HS6ST3: variants seen among roughly 807,000 people sequenced by gnomAD.
HS6ST3 encodes heparan-sulfate 6-O-sulfotransferase 3.
Under a neutral mutation model 36.7 loss-of-function variants are expected in HS6ST3, and 12 were observed. That is an observed-to-expected ratio of 0.33 (90% CI 0.21 to 0.53). The LOEUF is 0.53. HS6ST3 is among the 20% of genes least tolerant of loss of function. HS6ST3 has a pLI of 0.95. For missense variants in HS6ST3, 584 were observed against 640.9 expected (o/e 0.91, Z 0.96); for synonymous variants, 240 against 257.5 (o/e 0.93, Z 0.65).
intron 1 of HS6ST3, among the ~76,000 whole-genome samples, chr13:96,345,634 G>A (rs2055150405): frequency 6.6e-6 from 1 of 152,060 alleles, no homozygotes; most frequent in African/African-American, 2.4e-5. Flanking sequence ...CAACCTATTT[G>A]GCACCAGGGA....
chr13:96,206,796 A>T (rs1282090962), intron 1 of HS6ST3, among the ~76,000 whole-genome samples: 1 of 152,208 alleles, frequency 6.6e-6, no homozygotes, highest in African/African-American at 2.4e-5. Flanking sequence ...TACAACATGT[A>T]CAAAAATTAA....
intron 1 of HS6ST3, among the ~76,000 whole-genome samples, chr13:96,815,465 C>T (rs1448729580): frequency 3.3e-5 from 5 of 152,130 alleles, no homozygotes; most frequent in Middle Eastern, 3.4e-3. Context: ...TTTTTCGGAA[C>T]GGACACAATT....
intron 1 of HS6ST3, among the ~76,000 whole-genome samples, chr13:96,127,522 G>C (rs1025274234): frequency 3.3e-5 from 5 of 152,166 alleles, no homozygotes; most frequent in African/African-American, 1.2e-4. Flanking sequence ...GTGCCACCTG[G>C]TTCCTAACAG....
chr13:96,770,700 T>C (rs1432175646), intron 1 of HS6ST3, among the ~76,000 whole-genome samples: 2 of 152,214 alleles, frequency 1.3e-5, no homozygotes, highest in African/African-American at 4.8e-5. Flanking sequence ...ACCACCAGAA[T>C]TCAATAGAAG....
In HS6ST3 at chr13:96,805,205, G is replaced by A. The variant is rs556652755; in HGVS notation, c.708-27285G>A. Among the ~76,000 whole-genome samples the A allele has an allele frequency of 1.3e-4, 20 of 152,146 alleles. No homozygotes were observed. The South Asian group carries it at 2.1e-3, about 16-fold the overall frequency. Reference sequence around the variant, plus strand: ...TCTTGAATTGCAATCCCCATGTGTCGGGGGAAGGGCCTGGTGGGAGGTGAT... The same window carrying A: ...TCTTGAATTGCAATCCCCATGTGTCAGGGGAAGGGCCTGGTGGGAGGTGAT... On this transcript the variant is annotated intron_variant, in intron 1 of 1. Coordinates refer to ENST00000376705, the MANE Select transcript of HS6ST3 (RefSeq NM_153456.4).
chr13:96,574,593 G>A (rs1262851156), intron 1 of HS6ST3: 1 of 248,550 alleles, frequency 4.0e-6, no homozygotes, highest in Non-Finnish European at 8.4e-6. Flanking sequence ...TCCTGGTCCA[G>A]TTACTTCTAT....
At chr13:96,377,017 GTTTTA>G (rs984377911) in intron 1 of HS6ST3, among the ~76,000 whole-genome samples, 5 of 148,370 alleles carry the variant, frequency 3.4e-5, no homozygotes, top group East Asian at 1.9e-4. Flanking sequence ...TTGATTTATT[GTTTTA>G]TTTTGTTTTT....
chr13:96,652,914 T>G (rs2056612417), intron 1 of HS6ST3, among the ~76,000 whole-genome samples: 1 of 152,118 alleles, frequency 6.6e-6, no homozygotes, highest in Admixed American at 6.6e-5. Context: ...GAAAATGTTT[T>G]ATTTTGTCAC....
chr13:96,723,203 A>G (rs1875896291), intron 1 of HS6ST3, among the ~76,000 whole-genome samples: 2 of 152,108 alleles, frequency 1.3e-5, no homozygotes, highest in South Asian at 4.1e-4. Context: ...ATTATGGCCA[A>G]TGAAATGAAA....
At chr13:96,775,473 AGGGAT>A (rs1297408583) in intron 1 of HS6ST3, among the ~76,000 whole-genome samples, 1 of 151,872 alleles carries the variant, frequency 6.6e-6, no homozygotes, top group Admixed American at 6.6e-5. Context: ...CTCAAAATAA[AGGGAT>A]GGAGGAAGAT....
At chr13:96,569,283 C>T (rs574066011) in intron 1 of HS6ST3, among the ~76,000 whole-genome samples, 28 of 152,266 alleles carry the variant, frequency 1.8e-4, no homozygotes, top group African/African-American at 6.5e-4. Flanking sequence ...AGTAGAATGA[C>T]ACCTTCACAG....
intron 1 of HS6ST3, among the ~76,000 whole-genome samples, chr13:96,654,741 T>G (rs2056618913): frequency 6.6e-6 from 1 of 152,116 alleles, no homozygotes; most frequent in African/African-American, 2.4e-5. Context: ...TATTTTTAAT[T>G]TTTTTAAACT....
At chr13:96,610,442 C>G (rs2056453454) in intron 1 of HS6ST3, among the ~76,000 whole-genome samples, 2 of 151,936 alleles carry the variant, frequency 1.3e-5, no homozygotes, top group Admixed American at 6.6e-5. Context: ...TTTTCAGTGC[C>G]CCCATTATGA....
intron 1 of HS6ST3, among the ~76,000 whole-genome samples, chr13:96,119,577 T>C (rs1347689103): frequency 6.6e-6 from 1 of 152,168 alleles, no homozygotes; most frequent in Admixed American, 6.5e-5. Flanking sequence ...AAATAAAAAA[T>C]GCCTGATTGC....
chr13:96,831,954 C>CCAAAAAAAAAAAAAA (rs1878795436), intron 1 of HS6ST3, among the ~76,000 whole-genome samples: 1 of 21,858 alleles, frequency 4.6e-5, no homozygotes, highest in Non-Finnish European at 7.9e-5. Flanking sequence ...GACTCCCTCT[C>CCAAAAAAAAAAAAAA]AAAAAAAAAA....
Position 96,636,272 on chromosome 13 carries a change from A to G in HS6ST3, c.708-196218A>G, listed in dbSNP as rs1417493295. Among the ~76,000 whole-genome samples the G allele has an allele frequency of 5.9e-5, 9 of 152,314 alleles. No individual in the cohort carries two copies. In the East Asian group the frequency reaches 1.7e-3, roughly 29 times the overall value. Reference sequence around the variant, plus strand: ...CAAGCACTGCCATCTGATAATAGCAAACAGGCTCACATTTGTACAGAAATT... The same window carrying G: ...CAAGCACTGCCATCTGATAATAGCAGACAGGCTCACATTTGTACAGAAATT... On this transcript the variant is annotated intron_variant, in intron 1 of 1. Coordinates refer to ENST00000376705, the MANE Select transcript of HS6ST3 (RefSeq NM_153456.4).
At chr13:96,688,424 A>C (rs1874848990) in intron 1 of HS6ST3, among the ~76,000 whole-genome samples, 1 of 151,934 alleles carries the variant, frequency 6.6e-6, no homozygotes, top group African/African-American at 2.4e-5. Flanking sequence ...GGTGGCGTGA[A>C]CAGGCAGGAT....
intron 1 of HS6ST3, among the ~76,000 whole-genome samples, chr13:96,493,918 A>G (rs1442384929): frequency 6.6e-6 from 1 of 152,196 alleles, no homozygotes; most frequent in East Asian, 1.9e-4. Flanking sequence ...GGCTAAGTGA[A>G]TTACCTTGGA....
At chr13:96,437,096 C>G (rs969439642) in intron 1 of HS6ST3, among the ~76,000 whole-genome samples, 30 of 152,130 alleles carry the variant, frequency 2.0e-4, no homozygotes, top group African/African-American at 7.2e-4. Context: ...TCACATAACA[C>G]AAGTCACCAT....
Sources: allele counts gnomAD v4.1 joint callset (sites outside exome capture counted in the v4.1 genomes callset), GRCh38; gene constraint gnomAD v4.1.1; transcripts MANE v1.5; gene names NCBI Gene and HGNC (gene_info 2026-07-23, HGNC 2026-07-21).